Variants in RASAL1 observed in about 807,000 individuals in gnomAD.
RASAL1 encodes rasGAP-activating-like protein 1.
Under a neutral mutation model 96.6 loss-of-function variants are expected in RASAL1, and 72 were observed. The ratio of observed to expected loss-of-function variants is 0.75; its 90% CI spans 0.62 to 0.91. RASAL1 has a LOEUF of 0.91. Among genes scored for constraint, RASAL1 ranks in the 40% least tolerant of loss-of-function variants. RASAL1 has a pLI of 0.00. For synonymous variants in RASAL1, 405 were observed against 430.4 expected, an observed-to-expected ratio of 0.94 and a Z score of 0.73; for missense variants, 1,016 against 1,072.5, an observed-to-expected ratio of 0.95 and a Z score of 0.74.
Position 113,115,197 on chromosome 12 carries a change from CACCTT to C in RASAL1, c.1066_1068+2del. The C allele has an allele frequency of 2.5e-6, 4 of 1,612,726 alleles. No homozygotes were observed. The highest frequency in any genetic ancestry group is 3.4e-6 in the Non-Finnish European group (4 of 1,178,764). On this transcript the variant is annotated splice_donor_variant and coding_sequence_variant, in exon 11 of 21. Transcript: ENST00000548055. LOFTEE classifies it high-confidence loss of function. The surrounding 1 kb of genome is among the most constrained non-coding windows in gnomAD (Gnocchi z 4.1). ...CTGGTCCCGCAGGCCTTCACCTACT[CACCTT>C]CATAAACTGTTCCATCGACTTGGAT...
At chr12:113,123,386 C>G (rs1216643322) in intron 4 of RASAL1, among the ~76,000 whole-genome samples, 18 of 152,168 alleles carry the variant, frequency 1.2e-4, no homozygotes, top group Admixed American at 6.5e-4. Flanking sequence ...TAGAGAGGAG[C>G]AGGAGTTGGT....
chr12:113,113,526 G>A (rs1188816206), intron 12 of RASAL1, among the ~76,000 whole-genome samples: 1 of 152,134 alleles, frequency 6.6e-6, no homozygotes, highest in East Asian at 1.9e-4. Flanking sequence ...TCTCACAGAT[G>A]GACTGTGTCC....
chr12:113,103,647 G>A, intron 18 of RASAL1: 1 of 476,382 alleles, frequency 2.1e-6, no homozygotes, highest in Middle Eastern at 5.5e-4. Context: ...CATCTTTCTT[G>A]AGAACAAGCT....
At chr12:113,128,026 G>A in intron 3 of RASAL1, 39 bp downstream of exon 3, 4 of 1,601,782 alleles carry the variant, frequency 2.5e-6, no homozygotes, top group Non-Finnish European at 3.4e-6. Context: ...CCAGGCTTGG[G>A]TCCCTAACCC....
At chr12:113,124,295 T>TCC (rs1338990806) in intron 4 of RASAL1, among the ~76,000 whole-genome samples, 3 of 151,956 alleles carry the variant, frequency 2.0e-5, no homozygotes, top group Non-Finnish European at 4.4e-5. Flanking sequence ...GATCTCACTG[T>TCC]TGTATAGCAG....
At position 113,100,690 on chromosome 12, in the gene RASAL1, A is replaced by G. The variant is rs377074314; in HGVS notation, c.2226-10T>C. On this transcript the variant is annotated splice_polypyrimidine_tract_variant and intron_variant, in intron 19 of 20. Coordinates refer to ENST00000548055, the MANE Select transcript of RASAL1 (RefSeq NM_001301202.2). ...CTCCAGTAATTTCAGCCTGGAAGGT[A>G]AGAGGGAGAAAGACAAGTCTGGTCC... 9.3e-6 allele frequency: 15 copies of G among 1,605,208 alleles called. No homozygotes were observed. Among genetic ancestry groups the G allele is most frequent in the Non-Finnish European group, 1.2e-5 (14 of 1,172,986 alleles).
intron 12 of RASAL1, among the ~76,000 whole-genome samples, chr12:113,113,824 A>T (rs1037567985): frequency 3.9e-5 from 6 of 152,162 alleles, no homozygotes; most frequent in African/African-American, 1.2e-4. Flanking sequence ...GAGGGGTGGA[A>T]TGACCCCCAG....
intron 4 of RASAL1, among the ~76,000 whole-genome samples, chr12:113,127,302 T>C (rs1462500894): frequency 1.3e-5 from 2 of 152,156 alleles, no homozygotes; most frequent in Non-Finnish European, 1.5e-5. Flanking sequence ...GCTGGGGTGC[T>C]TATCATAAAA....
chr12:113,115,991 G>A lies in RASAL1; in HGVS notation c.792C>T (p.Ser264=), dbSNP rs369964052. The change falls in exon 9 of 21, where the codon TCC becomes TCT. Residue 264 remains serine (S), a synonymous_variant. Transcript: ENST00000548055. This position sits in a 1 kb window ranked among gnomAD's most constrained non-coding sequence, Gnocchi z 4.1. ...GCTCCATGAGAGGCTGGTAGCACTG[G>A]GAGGGCAGGACGCGGTCCTCAATCA... ...VRLIEDRVLP[S]QCYQPLMELL... is the part of the protein sequence containing the mutation. 1 of 1,610,740 alleles carries A rather than the reference G, an allele frequency of 6.2e-7. No individual in the cohort carries two copies. Among genetic ancestry groups the A allele is most frequent in the South Asian group, 1.1e-5 (1 of 90,608 alleles).
chr12:113,129,475 G>A lies in RASAL1; in HGVS notation c.123-1297C>T, dbSNP rs1951620779. The stretch of plus-strand genomic sequence containing the variant: ...GGGGCTTTGAAGCACACAGTGAGCA[G>A]GAGGAAGGCACAGGAAGGATGGGGA... On this transcript the variant is annotated intron_variant, in intron 2 of 20. Transcript: ENST00000548055. The surrounding 1 kb of genome is among the most constrained non-coding windows in gnomAD (Gnocchi z 5.0). Among the ~76,000 whole-genome samples, 1 of 152,130 alleles carries A rather than the reference G, an allele frequency of 6.6e-6. No individual in the cohort carries two copies. Among genetic ancestry groups the A allele is most frequent in the Non-Finnish European group, 1.5e-5 (1 of 68,004 alleles).
intron 18 of RASAL1, among the ~76,000 whole-genome samples, chr12:113,102,781 C>G (rs1239387664): frequency 6.6e-6 from 1 of 152,152 alleles, no homozygotes; most frequent in East Asian, 1.9e-4. Flanking sequence ...CTCATCCAGC[C>G]CCACTTCTGC....
At chr12:113,113,605 C>T (rs1047849842) in intron 12 of RASAL1, among the ~76,000 whole-genome samples, 2 of 152,154 alleles carry the variant, frequency 1.3e-5, no homozygotes, top group Non-Finnish European at 2.9e-5. Flanking sequence ...AGGCAAGTGA[C>T]CTTCCCTCTC....
chr12:113,103,790 G>A, intron 18 of RASAL1, 156 bp downstream of exon 18: 1 of 949,158 alleles, frequency 1.1e-6, no homozygotes, highest in South Asian at 1.4e-5. Flanking sequence ...CACGAGATAG[G>A]CACTGTTATC....
In RASAL1 at chr12:113,101,997, C is replaced by G. The variant is rs1364085746; in HGVS notation, c.2117G>C (p.Ser706Thr). ...CAGGGTGACAGCTGAGTGTGTACGG[C>G]TGCAGCCGGCGGCTGAGGGAACACA... ...LQAERSAAGC[S>T]RTHSAVTLGD... is the part of the protein sequence containing the mutation. The change falls in exon 19 of 21, where the codon AGC (serine) becomes ACC (threonine). Residue 706 changes from serine (S) to threonine (T), a missense_variant. Ser to Thr is a moderately conservative substitution (Grantham distance 58). Coordinates refer to ENST00000548055, the MANE Select transcript of RASAL1 (RefSeq NM_001301202.2). 1 of 1,613,674 alleles carries G rather than the reference C, an allele frequency of 6.2e-7. No individual in the cohort carries two copies. Among genetic ancestry groups the G allele is most frequent in the South Asian group, 1.1e-5 (1 of 91,028 alleles).
At chr12:113,105,922 C>CGAGGG in intron 15 of RASAL1, 36 bp from the exon 16 acceptor site, 1 of 1,577,864 alleles carries the variant, frequency 6.3e-7, no homozygotes. Flanking sequence ...GGACAGTGAG[C>CGAGGG]CCTCCCTAAC....
intron 16 of RASAL1, among the ~76,000 whole-genome samples, chr12:113,105,358 T>G (rs1950608403): frequency 6.6e-6 from 1 of 152,270 alleles, no homozygotes; most frequent in African/African-American, 2.4e-5. Context: ...CACACGTTCC[T>G]AGTGAACACA....
rs748152767 is a variant in RASAL1 at position 113,099,884 on chromosome 12, C to G, written c.*45G>C. 103 of 1,577,904 alleles carry G rather than the reference C, an allele frequency of 6.5e-5. 1 individual carries two copies. Among genetic ancestry groups the G allele is most frequent in the South Asian group, 4.3e-4 (38 of 87,540 alleles). ...CCGGGGCAGGATGCGCTGAAGAGGG[C>G]CCCCTGGCTCTTGCTCCTCCTTCCG... On this transcript the variant is annotated 3_prime_UTR_variant, in exon 21 of 21. Coordinates refer to ENST00000548055, the MANE Select transcript of RASAL1 (RefSeq NM_001301202.2).
At chr12:113,107,021 G>T in intron 15 of RASAL1, 76 bp downstream of exon 15, 6 of 1,447,530 alleles carry the variant, frequency 4.1e-6, no homozygotes, top group Non-Finnish European at 5.6e-6. Context: ...AGGAGCTGGA[G>T]GGGGAAAGGG....
At chr12:113,113,391 G>T (rs1950947541) in intron 12 of RASAL1, among the ~76,000 whole-genome samples, 1 of 152,158 alleles carries the variant, frequency 6.6e-6, no homozygotes, top group South Asian at 2.1e-4. Flanking sequence ...ACCCAGGACT[G>T]CCAACTCCAC....
Sources: allele counts gnomAD v4.1 joint callset (sites outside exome capture counted in the v4.1 genomes callset), GRCh38; gene constraint gnomAD v4.1.1; non-coding constraint Gnocchi (gnomAD v3.1); transcripts MANE v1.5; gene names NCBI Gene and HGNC (gene_info 2026-07-23, HGNC 2026-07-21).